CERS4: variants seen among roughly 807,000 people sequenced by gnomAD.
The protein encoded by CERS4 is ceramide synthase 4, also known as LAG1 homolog, ceramide synthase 4.
Under a neutral mutation model 51.8 loss-of-function variants are expected in CERS4, and 65 were observed. The ratio of observed to expected loss-of-function variants is 1.26; its 90% CI spans 1.03 to 1.54. The LOEUF (loss-of-function observed/expected upper bound fraction) is 1.54, where lower values mean the gene tolerates loss of function less well. Ranked by LOEUF, CERS4 falls within the 40% of genes most tolerant of loss-of-function variation. CERS4 has a pLI of 0.00. For synonymous variants in CERS4, 228 were observed against 208.4 expected, an observed-to-expected ratio of 1.09 and a Z score of -0.81; for missense variants, 563 against 500.4, an observed-to-expected ratio of 1.13 and a Z score of -1.19.
chr19:8,251,229 C>T lies in CERS4; in HGVS notation c.153C>T (p.Ala51=), dbSNP rs751299986. 6.2e-6 allele frequency: 10 copies of T among 1,607,122 alleles called. No homozygotes were observed. The highest frequency in any genetic ancestry group is 8.5e-6 in the Non-Finnish European group (10 of 1,177,034). ...TGCCCCTGGCGCTGGTCCTCCTGGC[C>T]ATGCGCCTTGCCTTTGAGAGGTGAG... ...AALPLALVLL[A]MRLAFERFIG... Residue 51 remains alanine (A), a synonymous_variant, in exon 3 of 12, where the codon GCC becomes GCT. Transcript: ENST00000251363.
chr19:8,227,611 G>A (rs1030991184), intron 2 of CERS4, among the ~76,000 whole-genome samples: 1 of 151,612 alleles, frequency 6.6e-6, no homozygotes, highest in African/African-American at 2.4e-5. Flanking sequence ...CAAAGTGCTC[G>A]GCTTACAGGC....
intron 3 of CERS4, among the ~76,000 whole-genome samples, chr19:8,253,988 A>C (rs1969228858): frequency 6.6e-6 from 1 of 151,666 alleles, no homozygotes; most frequent in African/African-American, 2.4e-5. Flanking sequence ...AGCCTTTCTG[A>C]CTCTGGGCCT....
chr19:8,256,994 A>C lies in CERS4; in HGVS notation c.658A>C (p.Met220Leu). Residue 220 changes from methionine to leucine, a missense_variant, in exon 9 of 12, where the codon ATG becomes CTG. Met to Leu is a conservative substitution (Grantham distance 15). Coordinates refer to ENST00000251363, the MANE Select transcript of CERS4 (RefSeq NM_024552.3). ...VIHHFVAVIL[M>L]TFSYSANLLR... ...ACACCACTTCGTGGCGGTCATCCTG[A>C]TGACCTTCTCCTACAGTGCCAACCT... 6.2e-7 allele frequency: 1 copy of C among 1,614,064 alleles called. No homozygotes were observed. Among genetic ancestry groups the C allele is most frequent in the Non-Finnish European group, 8.5e-7 (1 of 1,179,972 alleles).
At chr19:8,250,435 T>C (rs981244875) in intron 2 of CERS4, 5 of 152,684 alleles carry the variant, frequency 3.3e-5, no homozygotes, top group African/African-American at 1.2e-4. Flanking sequence ...AGCCTGGGTA[T>C]TACTGTCTCT....
chr19:8,255,546 G>A, intron 4 of CERS4, 61 bp from the exon 5 acceptor site: 5 of 1,448,932 alleles, frequency 3.5e-6, no homozygotes, highest in East Asian at 4.6e-5. Flanking sequence ...TCCTGTCTGG[G>A]GACATGGGGG....
intron 2 of CERS4, among the ~76,000 whole-genome samples, chr19:8,216,966 A>G (rs1446391884): frequency 6.6e-6 from 1 of 152,150 alleles, no homozygotes; most frequent in Non-Finnish European, 1.5e-5. Context: ...GTTGCAAAGT[A>G]CAGATGACAG....
At chr19:8,249,160 A>G (rs1568527497) in intron 2 of CERS4, among the ~76,000 whole-genome samples, 3 of 145,302 alleles carry the variant, frequency 2.1e-5, no homozygotes, top group Admixed American at 2.1e-4. Flanking sequence ...GGATGGGTGG[A>G]TGGATGATGG....
chr19:8,212,769 G>C (rs994039030), intron 2 of CERS4, among the ~76,000 whole-genome samples: 4 of 150,596 alleles, frequency 2.7e-5, no homozygotes, highest in African/African-American at 9.8e-5. Context: ...CTCCTGAGTA[G>C]CTGGGATTAC....
intron 1 of CERS4, chr19:8,209,953 G>A (rs1967018912): frequency 6.6e-6 from 1 of 152,508 alleles, no homozygotes; most frequent in Admixed American, 6.5e-5. Context: ...GCCGGGGTGA[G>A]GTGGAGGTGC....
chr19:8,250,893 G>A (rs73008784), intron 2 of CERS4, 183 bp from the exon 3 acceptor site: 17,276 of 1,424,068 alleles, frequency 0.012, 144 homozygotes, highest in Non-Finnish European at 0.015. Flanking sequence ...GGCTCTTCTG[G>A]GACCAGAGGA....
Position 8,248,398 on chromosome 19 carries a change from G to A in CERS4, c.-1-2678G>A, listed in dbSNP as rs138901283. On this transcript the variant is annotated intron_variant, in intron 2 of 11. Coordinates refer to ENST00000251363, the MANE Select transcript of CERS4 (RefSeq NM_024552.3). ...AAATGGATAGATGGAAGAAAAGATG[G>A]ACAGAAGGATGGGTGGGTGGAAGGA... 2.1e-3 allele frequency among the ~76,000 whole-genome samples: 316 copies of A among 152,326 alleles called. 2 individuals are homozygous for A. Among genetic ancestry groups the A allele is most frequent in the African/African-American group, 7.4e-3 (307 of 41,578 alleles).
chr19:8,261,993 C>A lies in CERS4; in HGVS notation c.1069C>A (p.Gln357Lys), dbSNP rs1165736061. 1.3e-6 allele frequency: 2 copies of A among 1,596,326 alleles called. No individual in the cohort carries two copies. Among genetic ancestry groups the A allele is most frequent in the South Asian group, 2.3e-5 (2 of 88,702 alleles). ...CTCCAGTGAGGAGGCGGCGGCGGCCCAGGAACCTCTGCAGCTAAAGAACGG... is the reference window on the plus strand; with the variant it reads ...CTCCAGTGAGGAGGCGGCGGCGGCCAAGGAACCTCTGCAGCTAAAGAACGG... ...SDSSEEAAAAQEPLQLKNGAA... is the reference protein window; with the variant it reads ...SDSSEEAAAAKEPLQLKNGAA... The change falls in exon 12 of 12, where the codon CAG becomes AAG. Residue 357 changes from glutamine to lysine, a missense_variant. By Grantham distance (53) the Gln-to-Lys change is moderately conservative (BLOSUM62 1). Coordinates refer to ENST00000251363, the MANE Select transcript of CERS4 (RefSeq NM_024552.3).
At chr19:8,247,890 C>T (rs1968860938) in intron 2 of CERS4, among the ~76,000 whole-genome samples, 2 of 152,014 alleles carry the variant, frequency 1.3e-5, no homozygotes, top group Admixed American at 1.3e-4. Context: ...CATGCCACCA[C>T]ACCTGGCTGA....
intron 10 of CERS4, chr19:8,261,183 C>CCCCACCCCTTTTTTACTCCTT (rs1969680349): frequency 1.3e-5 from 2 of 154,152 alleles, no homozygotes; most frequent in South Asian, 2.0e-4. Flanking sequence ...TCCGGCTACC[C>CCCCACCCCTTTTTTACTCCTT]GGGAGATGAG....
At chr19:8,257,814 T>C (rs905470977) in intron 9 of CERS4, 65 bp from the exon 10 acceptor site, 17 of 1,270,048 alleles carry the variant, frequency 1.3e-5, no homozygotes, top group African/African-American at 5.9e-5. Flanking sequence ...TCCCATCCTA[T>C]AGCACCTTCT....
intron 2 of CERS4, among the ~76,000 whole-genome samples, chr19:8,249,547 G>A (rs1968962663): frequency 6.6e-6 from 1 of 150,380 alleles, no homozygotes; most frequent in Non-Finnish European, 1.5e-5. Context: ...CACCTAGAGA[G>A]GAGCCTACCT....
chr19:8,230,068 T>C (rs2145205446), intron 2 of CERS4, among the ~76,000 whole-genome samples: 1 of 152,304 alleles, frequency 6.6e-6, no homozygotes, highest in East Asian at 1.9e-4. Flanking sequence ...TATGTAGCCA[T>C]AGGGAAAAAA....
At position 8,233,409 on chromosome 19, in the gene CERS4, C is replaced by T. The variant is rs1220578067; in HGVS notation, c.-1-17667C>T. Among the ~76,000 whole-genome samples the T allele has an allele frequency of 7.9e-5, 12 of 151,978 alleles. 2 individuals are homozygous for T. The highest frequency in any genetic ancestry group is 2.7e-4 in the African/African-American group (11 of 41,484). The stretch of plus-strand genomic sequence containing the variant: ...CTCAAACTCCTGACCTCAGGTGATC[C>T]GCCTGCCTCGGCCTCCCAGAGTGCT... On this transcript the variant is annotated intron_variant, in intron 2 of 11. Transcript: ENST00000251363.
intron 10 of CERS4, chr19:8,261,371 T>G: frequency 6.2e-6 from 2 of 321,346 alleles, no homozygotes; most frequent in African/African-American, 2.1e-5. Context: ...GGGGAGGTGA[T>G]GGGGGTCTGA....
Sources: gnomAD v4.1 joint callset for allele counts (sites outside exome capture counted in the v4.1 genomes callset) on GRCh38, gnomAD v4.1.1 for gene constraint, MANE v1.5 for transcripts, NCBI Gene and HGNC (gene_info 2026-07-23, HGNC 2026-07-21) for gene names.